CNTN5: variants seen among roughly 807,000 people sequenced by gnomAD.
CNTN5 encodes contactin 5.
In CNTN5, 77 loss-of-function variants were observed where a neutral mutation model predicts 129.1. That is an observed-to-expected ratio of 0.60 (90% CI 0.50 to 0.72). The LOEUF (loss-of-function observed/expected upper bound fraction) is 0.72, where lower values mean the gene tolerates loss of function less well. Ranked by LOEUF, CNTN5 falls within the 30% of genes least tolerant of loss-of-function variation. The pLI is 0.00. For synonymous variants in CNTN5, 509 were observed against 465.6 expected, an observed-to-expected ratio of 1.09 and a Z score of -1.20; for missense variants, 1,478 against 1,328.8, an observed-to-expected ratio of 1.11 and a Z score of -1.75.
Position 99,845,115 on chromosome 11 carries a change from C to T in CNTN5, c.430C>T (p.Leu144=). ...GCTTCGAAATGGAACAGAAATAGAT[C>T]TGGAAAGTGATTATCGCTACAGTTT... ...RWLRNGTEID[L]ESDYRYSLID... is the part of the protein sequence containing the mutation. The change falls in exon 6 of 25, where the codon CTG becomes TTG. Residue 144 remains leucine, a synonymous_variant. Transcript: ENST00000524871. The T allele has an allele frequency of 6.2e-7, 1 of 1,613,600 alleles. No individual in the cohort carries two copies. Among genetic ancestry groups the T allele is most frequent in the Non-Finnish European group, 8.5e-7 (1 of 1,179,768 alleles).
In CNTN5 at chr11:99,658,435, G is replaced by A. The variant is rs144685494; in HGVS notation, c.55+102166G>A. On this transcript the variant is annotated intron_variant, in intron 3 of 24. Transcript: ENST00000524871. Reference sequence around the variant, plus strand: ...ATTAGAACTAAAATTTTATATTCCAGTTTTTTCTTAATATCTCAGGCAATG... The same window carrying A: ...ATTAGAACTAAAATTTTATATTCCAATTTTTTCTTAATATCTCAGGCAATG... 2.2e-3 allele frequency among the ~76,000 whole-genome samples: 341 copies of A among 152,124 alleles called. 1 individual carries two copies. The highest frequency in any genetic ancestry group is 7.5e-3 in the African/African-American group (311 of 41,504).
At chr11:99,413,810 A>C (rs2135021372) in intron 2 of CNTN5, among the ~76,000 whole-genome samples, 1 of 152,292 alleles carries the variant, frequency 6.6e-6, no homozygotes, top group Admixed American at 6.5e-5. Flanking sequence ...GTAACACAGT[A>C]AGAGACTTCA....
chr11:99,779,009 T>C (rs1289179067), intron 3 of CNTN5, among the ~76,000 whole-genome samples: 1 of 151,832 alleles, frequency 6.6e-6, no homozygotes, highest in African/African-American at 2.4e-5. Context: ...AACACAACAA[T>C]ACTACCATTT....
intron 3 of CNTN5, among the ~76,000 whole-genome samples, chr11:99,688,162 G>C (rs1953874786): frequency 6.6e-6 from 1 of 152,262 alleles, no homozygotes; most frequent in Non-Finnish European, 1.5e-5. Context: ...AGGAAACAGA[G>C]TAGTCATATA....
At chr11:99,320,103 G>A (rs1367743004) in intron 1 of CNTN5, among the ~76,000 whole-genome samples, 1 of 152,100 alleles carries the variant, frequency 6.6e-6, no homozygotes, top group Non-Finnish European at 1.5e-5. Flanking sequence ...AGCCAGCCAT[G>A]GTGGCAGGCA....
intron 3 of CNTN5, among the ~76,000 whole-genome samples, chr11:99,803,714 T>C (rs1946183412): frequency 6.6e-6 from 1 of 152,216 alleles, no homozygotes; most frequent in Non-Finnish European, 1.5e-5. Context: ...TTCCTGGGTT[T>C]CTTGGATTCC....
At chr11:99,569,346 C>T (rs1179752940) in intron 3 of CNTN5, among the ~76,000 whole-genome samples, 1 of 152,014 alleles carries the variant, frequency 6.6e-6, no homozygotes, top group Non-Finnish European at 1.5e-5. Flanking sequence ...CAGAGTCTCG[C>T]TCTGGCGCCC....
At chr11:99,845,477 A>G (rs1393396192) in intron 6 of CNTN5, among the ~76,000 whole-genome samples, 61 of 134,572 alleles carry the variant, frequency 4.5e-4, no homozygotes, top group Non-Finnish European at 4.1e-4. Flanking sequence ...GGTTCACGCC[A>G]TTCTCCTGCC....
At chr11:100,085,208 T>C (rs1944502759) in intron 13 of CNTN5, among the ~76,000 whole-genome samples, 1 of 152,006 alleles carries the variant, frequency 6.6e-6, no homozygotes, top group South Asian at 2.1e-4. Context: ...TTTCTCACAA[T>C]GATGAGTTTC....
At chr11:99,781,365 C>G (rs926762634) in intron 3 of CNTN5, among the ~76,000 whole-genome samples, 3 of 151,946 alleles carry the variant, frequency 2.0e-5, no homozygotes, top group Admixed American at 6.6e-5. Flanking sequence ...ATATGTGACT[C>G]AATGCATTAT....
chr11:99,512,368 C>T (rs555129879), intron 2 of CNTN5, among the ~76,000 whole-genome samples: 36 of 152,206 alleles, frequency 2.4e-4, no homozygotes, highest in Middle Eastern at 6.8e-3. Flanking sequence ...GTAATCTATA[C>T]CACCCAGGTT....
In CNTN5 at chr11:99,689,685, G is replaced by A. The variant is rs186939253; in HGVS notation, c.56-129859G>A. ...TTGCATTTCTGTAATTATCAGTGTT[G>A]TTGGGCTTTTTTTCATATATTTCCT... On this transcript the variant is annotated intron_variant, in intron 3 of 24. Transcript: ENST00000524871. Among the ~76,000 whole-genome samples the A allele has an allele frequency of 1.8e-3, 275 of 152,030 alleles. 2 individuals are homozygous for A. The highest frequency in any genetic ancestry group is 0.017 in the Middle Eastern group (5 of 292).
Position 99,852,826 on chromosome 11 carries a change from C to T in CNTN5, c.577+7564C>T, listed in dbSNP as rs184297737. Among the ~76,000 whole-genome samples, 355 of 152,304 alleles carry T rather than the reference C, an allele frequency of 2.3e-3. 1 individual carries two copies. The highest frequency in any genetic ancestry group is 6.8e-3 in the South Asian group (33 of 4,828). On this transcript the variant is annotated intron_variant, in intron 6 of 24. Transcript: ENST00000524871. ...TATACATCTTCTGACCTTTAATGCTCAAGCACATTTACTTAATTAATTGTC... is the reference window on the plus strand; with the variant it reads ...TATACATCTTCTGACCTTTAATGCTTAAGCACATTTACTTAATTAATTGTC...
intron 2 of CNTN5, among the ~76,000 whole-genome samples, chr11:99,429,131 A>G (rs1943258106): frequency 6.6e-6 from 1 of 152,186 alleles, no homozygotes; most frequent in South Asian, 2.1e-4. Context: ...ATTTTATTTT[A>G]CCAATAATTC....
At chr11:99,392,785 G>A (rs375109817) in intron 2 of CNTN5, among the ~76,000 whole-genome samples, 1 of 151,676 alleles carries the variant, frequency 6.6e-6, no homozygotes, top group Non-Finnish European at 1.5e-5. Context: ...CATTTTAAAG[G>A]GTAAATAGTA....
chr11:99,160,557 G>A (rs554018253), intron 1 of CNTN5, among the ~76,000 whole-genome samples: 4 of 152,098 alleles, frequency 2.6e-5, no homozygotes, highest in East Asian at 1.9e-4. Flanking sequence ...TTGCTGTACC[G>A]AACTACTAAT....
At chr11:100,285,965 C>T (rs1158114928) in intron 18 of CNTN5, among the ~76,000 whole-genome samples, 3 of 152,322 alleles carry the variant, frequency 2.0e-5, no homozygotes, top group African/African-American at 4.8e-5. Flanking sequence ...GGTCAGGGAG[C>T]TCCCTTTCCG....
chr11:99,967,725 A>T (rs575493706), intron 8 of CNTN5, among the ~76,000 whole-genome samples: 1 of 152,084 alleles, frequency 6.6e-6, no homozygotes, highest in East Asian at 1.9e-4. Context: ...CTCAACAGCT[A>T]TAATTTCTTC....
intron 16 of CNTN5, among the ~76,000 whole-genome samples, chr11:100,242,928 A>G (rs926917119): frequency 2.6e-5 from 4 of 152,240 alleles, no homozygotes; most frequent in African/African-American, 9.6e-5. Flanking sequence ...TATTAAATGT[A>G]TTGTCATGTC....
Sources: gnomAD v4.1 joint callset for allele counts (sites outside exome capture counted in the v4.1 genomes callset) on GRCh38, gnomAD v4.1.1 for gene constraint, MANE v1.5 for transcripts, NCBI Gene and HGNC (gene_info 2026-07-23, HGNC 2026-07-21) for gene names.